The following RP1 variants were observed in gnomAD, a reference collection of about 807,000 sequenced individuals.
The protein encoded by RP1 is RP1 axonemal microtubule associated.
RP1 carries 16 observed loss-of-function variants against 14.8 expected under a neutral mutation model. That is an observed-to-expected ratio of 1.08 (90% CI 0.73 to 1.65). The LOEUF (loss-of-function observed/expected upper bound fraction) is 1.65, where lower values mean the gene tolerates loss of function less well. RP1 is among the 40% of genes most tolerant of loss of function. The pLI is 0.00. For synonymous variants in RP1, 876 were observed against 883.6 expected (o/e 0.99, Z 0.15); for missense variants, 2,631 against 2,535.0 (o/e 1.04, Z -0.81).
At chr8:54,843,027 T>TC (rs1414028288) in intron 25 of RP1, among the ~76,000 whole-genome samples, 8 of 152,126 alleles carry the variant, frequency 5.3e-5, no homozygotes, top group Non-Finnish European at 8.8e-5. Context: ...AACTGTGGCA[T>TC]CCCTTTTCTC....
chr8:54,646,692 G>A (rs1806557414), intron 3 of RP1, among the ~76,000 whole-genome samples: 1 of 152,012 alleles, frequency 6.6e-6, no homozygotes, highest in Non-Finnish European at 1.5e-5. Context: ...TATAGTAAAC[G>A]GACATCATAT....
intron 24 of RP1, among the ~76,000 whole-genome samples, chr8:54,834,306 C>A (rs4737722): frequency 2.0e-5 from 3 of 151,732 alleles, no homozygotes; most frequent in Non-Finnish European, 2.9e-5. Context: ...TCAGGGGTTC[C>A]GGAGTAGGAG....
intron 15 of RP1, chr8:54,719,992 A>C: frequency 1.4e-6 from 1 of 697,508 alleles, no homozygotes; most frequent in Non-Finnish European, 2.3e-6. Flanking sequence ...CACACAGGGC[A>C]ATTTACGTAA....
At chr8:54,579,308 A>G (rs2129295810) in intron 1 of RP1, among the ~76,000 whole-genome samples, 1 of 152,324 alleles carries the variant, frequency 6.6e-6, no homozygotes, top group South Asian at 2.1e-4. Flanking sequence ...AACTAAGCAA[A>G]CCGAGGATGA....
intron 19 of RP1, among the ~76,000 whole-genome samples, chr8:54,753,887 T>C (rs1809436254): frequency 6.6e-6 from 1 of 151,992 alleles, no homozygotes; most frequent in African/African-American, 2.4e-5. Flanking sequence ...ATCTGAGAAA[T>C]GGTGGCACCT....
intron 24 of RP1, among the ~76,000 whole-genome samples, chr8:54,829,738 C>T (rs1324290120): frequency 1.3e-5 from 2 of 152,024 alleles, no homozygotes; most frequent in African/African-American, 2.4e-5. Flanking sequence ...ATTAAAAAAT[C>T]ATTTGGATAA....
chr8:54,726,248 G>A, intron 16 of RP1: 2 of 1,331,832 alleles, frequency 1.5e-6, no homozygotes, highest in Non-Finnish European at 2.0e-6. Flanking sequence ...GGAAACAATA[G>A]CAAAAATTAA....
intron 14 of RP1, among the ~76,000 whole-genome samples, chr8:54,702,312 C>G (rs187347040): frequency 6.6e-6 from 1 of 152,092 alleles, no homozygotes. Context: ...TTTAAAACCT[C>G]AAAGATATTG....
chr8:54,790,513 C>T (rs1278421908), intron 24 of RP1, among the ~76,000 whole-genome samples: 1 of 150,670 alleles, frequency 6.6e-6, no homozygotes, highest in Admixed American at 6.6e-5. Context: ...GATCTACGAA[C>T]TGTTTGACAA....
At chr8:54,699,603 A>G (rs550993215) in intron 13 of RP1, 8 of 1,040,482 alleles carry the variant, frequency 7.7e-6, no homozygotes, top group Admixed American at 5.9e-5. Context: ...GCCATATATC[A>G]ATAGTATTAT....
rs531298278 is a variant in RP1, at chr8:54,865,372, T to G, written c.4070-463T>G. Among the ~76,000 whole-genome samples the G allele has an allele frequency of 6.6e-5, 10 of 151,862 alleles. No homozygotes were observed. The South Asian group carries it at 2.1e-3, about 32-fold the overall frequency. On this transcript the variant is annotated intron_variant, in intron 27 of 28. Coordinates refer to the RP1 transcript ENST00000637698. ...CTTCCTCCCTTCTTCCCTCCTTCTC[T>G]CTCTCCCTTCTTTCCTTACTTTCAT...
intron 24 of RP1, among the ~76,000 whole-genome samples, chr8:54,829,271 C>A (rs1200801216): frequency 1.3e-5 from 2 of 152,134 alleles, no homozygotes; most frequent in East Asian, 1.9e-4. Flanking sequence ...TCATGGTAAA[C>A]CTGCCTCTGC....
chr8:54,814,549 G>C (rs1179745374), intron 24 of RP1, among the ~76,000 whole-genome samples: 1 of 152,112 alleles, frequency 6.6e-6, no homozygotes, highest in Admixed American at 6.5e-5. Context: ...GTACAGAATT[G>C]GTCCTGGTAT....
intron 15 of RP1, among the ~76,000 whole-genome samples, chr8:54,707,657 C>T (rs988078087): frequency 6.6e-6 from 1 of 152,160 alleles, no homozygotes; most frequent in Non-Finnish European, 1.5e-5. Flanking sequence ...TGATGTCTAG[C>T]TATAAGGAAG....
In RP1 at chr8:54,628,330, T is replaced by C. The variant is rs763697787; in HGVS notation, c.4448T>C (p.Val1483Ala). Residue 1483 changes from valine (V) to alanine (A), a missense_variant, in exon 4 of 4, where the codon GTA becomes GCA. Val to Ala is a moderately conservative substitution (Grantham distance 64). Transcript: ENST00000220676. ...NHDTDIFNTVVNGGEQATEEL... is the reference protein window; with the variant it reads ...NHDTDIFNTVANGGEQATEEL... ...GACACTGATATCTTTAATACAGTGG[T>C]AAATGGAGGAGAGCAAGCCACTGAA... 26 of 1,613,698 alleles carry C rather than the reference T, an allele frequency of 1.6e-5. No homozygotes were observed. Among genetic ancestry groups the C allele is most frequent in the Non-Finnish European group, 1.9e-5 (23 of 1,179,900 alleles).
chr8:54,829,936 T>G (rs1811479300), intron 24 of RP1, among the ~76,000 whole-genome samples: 1 of 152,176 alleles, frequency 6.6e-6, no homozygotes, highest in African/African-American at 2.4e-5. Flanking sequence ...GAATTAAAAT[T>G]TTATATCCAT....
At chr8:54,614,428 C>T (rs1805666551), upstream of RP1, among the ~76,000 whole-genome samples, 1 of 152,058 alleles carries the variant, frequency 6.6e-6, no homozygotes, top group Admixed American at 6.5e-5. Context: ...GCATCAGCAT[C>T]AGCTTATTAG....
intron 24 of RP1, among the ~76,000 whole-genome samples, chr8:54,807,155 G>A (rs1171380680): frequency 6.6e-6 from 1 of 152,132 alleles, no homozygotes; most frequent in African/African-American, 2.4e-5. Flanking sequence ...AAAAGGACAG[G>A]TAACTTGTAA....
rs138218712 is a variant in RP1 at position 54,624,705 on chromosome 8, A to G, written c.823A>G (p.Ile275Val). The change falls in exon 4 of 4, where the codon ATT becomes GTT. Residue 275 changes from isoleucine (I) to valine (V), a missense_variant. Transcript: ENST00000220676. ...THMSSSSRSQIYSVSSEKTHN... is the reference protein window; with the variant it reads ...THMSSSSRSQVYSVSSEKTHN... Reference sequence around the variant, plus strand: ...TATGTCTTCAAGCTCAAGGTCCCAGATTTATTCTGTTTCTTCTGAGAAAAC... The same window carrying G: ...TATGTCTTCAAGCTCAAGGTCCCAGGTTTATTCTGTTTCTTCTGAGAAAAC... The G allele has an allele frequency of 1.9e-6, 3 of 1,613,972 alleles. No individual in the cohort carries two copies. The African/African-American group carries it at 4.0e-5, about 22-fold the overall frequency.
Sources: allele counts gnomAD v4.1 joint callset (sites outside exome capture counted in the v4.1 genomes callset), GRCh38; gene constraint gnomAD v4.1.1; transcripts MANE v1.5; gene names NCBI Gene and HGNC (gene_info 2026-07-23, HGNC 2026-07-21).